The following CCDC7 variants were observed in gnomAD, a reference collection of about 807,000 sequenced individuals.
The protein encoded by CCDC7 is coiled-coil domain containing 7, also known as coiled-coil domain-containing protein 7.
In CCDC7, 183 loss-of-function variants were observed where a neutral mutation model predicts 196.9. The ratio of observed to expected loss-of-function variants is 0.93; its 90% CI spans 0.82 to 1.05. CCDC7 has a LOEUF of 1.05. Ranked by LOEUF, CCDC7 falls within the 50% of genes least tolerant of loss-of-function variation. The pLI, the probability that CCDC7 is intolerant of heterozygous loss-of-function variation, is 0.00. For synonymous variants in CCDC7, 525 were observed against 484.6 expected, an observed-to-expected ratio of 1.08 and a Z score of -1.10; for missense variants, 1,540 against 1,482.2, an observed-to-expected ratio of 1.04 and a Z score of -0.64.
chr10:32,799,942 C>A (rs1466836632), intron 29 of CCDC7, among the ~76,000 whole-genome samples: 1 of 152,236 alleles, frequency 6.6e-6, no homozygotes, highest in African/African-American at 2.4e-5. Context: ...CCACTGAAGG[C>A]AAATTGCTTC....
intron 4 of CCDC7, 89 bp from the exon 6 acceptor site, chr10:32,462,928 C>T (rs958803797): frequency 8.3e-6 from 13 of 1,559,044 alleles, no homozygotes; most frequent in Non-Finnish European, 1.1e-5. Flanking sequence ...TTCAGAGACA[C>T]AGACACACAT....
At chr10:32,535,935 T>C (rs906585584) in intron 11 of CCDC7, among the ~76,000 whole-genome samples, 2 of 152,142 alleles carry the variant, frequency 1.3e-5, no homozygotes, top group Non-Finnish European at 2.9e-5. Context: ...CAGAGTCAGG[T>C]TGGATAGTAA....
chr10:32,704,305 C>T (rs952786054), intron 24 of CCDC7, among the ~76,000 whole-genome samples: 3 of 152,120 alleles, frequency 2.0e-5, no homozygotes, highest in East Asian at 1.9e-4. Context: ...GTGTCAGCAG[C>T]GGAAGCTGCA....
intron 28 of CCDC7, among the ~76,000 whole-genome samples, chr10:32,757,450 A>G (rs2076654965): frequency 6.6e-6 from 1 of 152,196 alleles, no homozygotes; most frequent in Non-Finnish European, 1.5e-5. Context: ...TAAGAAACTC[A>G]CTCAAAACCG....
intron 8 of CCDC7, among the ~76,000 whole-genome samples, chr10:32,484,500 C>T (rs1368321744): frequency 1.3e-5 from 2 of 152,120 alleles, no homozygotes; most frequent in African/African-American, 4.8e-5. Flanking sequence ...CTTTCTCTTG[C>T]CTTATTGCCG....
chr10:32,659,176 A>G (rs974302830), intron 20 of CCDC7, among the ~76,000 whole-genome samples: 3 of 152,144 alleles, frequency 2.0e-5, no homozygotes, highest in African/African-American at 4.8e-5. Context: ...ATTCATTGCT[A>G]TAAACCTCCT....
intron 28 of CCDC7, among the ~76,000 whole-genome samples, chr10:32,745,474 A>T (rs118176330): frequency 0.039 from 5,898 of 152,286 alleles, 123 homozygotes; most frequent in Middle Eastern, 0.051. Flanking sequence ...GTGAGGGAGC[A>T]AAAGAAAGAT....
At chr10:32,493,451 G>A (rs2042443705) in intron 9 of CCDC7, among the ~76,000 whole-genome samples, 1 of 150,980 alleles carries the variant, frequency 6.6e-6, no homozygotes, top group Non-Finnish European at 1.5e-5. Context: ...TGGACACTTA[G>A]GTTGATTCCA....
intron 5 of CCDC7, among the ~76,000 whole-genome samples, chr10:32,466,886 C>G (rs867813690): frequency 6.6e-6 from 1 of 152,138 alleles, no homozygotes; most frequent in Non-Finnish European, 1.5e-5. Flanking sequence ...TATACTCCCA[C>G]CAACAATGTA....
rs534340301 is a variant in CCDC7 at position 32,792,187 on chromosome 10, G to A, written c.3014-12828G>A. Among the ~76,000 whole-genome samples, 14 of 152,220 alleles carry A rather than the reference G, an allele frequency of 9.2e-5. No homozygotes were observed. The South Asian group carries it at 2.9e-3, about 32-fold the overall frequency. ...TATTACCACTATATTTGTCTTACAA[G>A]AAATGCTCAAGGGATTTCTTCAAGT... On this transcript the variant is annotated intron_variant, in intron 29 of 41. Transcript: ENST00000639629.
intron 11 of CCDC7, among the ~76,000 whole-genome samples, chr10:32,529,864 G>A (rs1344395001): frequency 1.3e-5 from 2 of 152,110 alleles, no homozygotes; most frequent in African/African-American, 4.8e-5. Context: ...TGTCTAGAAG[G>A]GTTTTTCCAT....
At chr10:32,467,064 G>C (rs555996249) in intron 5 of CCDC7, among the ~76,000 whole-genome samples, 1 of 150,018 alleles carries the variant, frequency 6.7e-6, no homozygotes, top group Non-Finnish European at 1.5e-5. Context: ...TTGGCCCCGT[G>C]TATGTCTTCT....
At chr10:32,470,745 T>G (rs1331347146) in intron 5 of CCDC7, among the ~76,000 whole-genome samples, 1 of 152,176 alleles carries the variant, frequency 6.6e-6, no homozygotes, top group Non-Finnish European at 1.5e-5. Context: ...TGGGAAACAA[T>G]TTAGAATGAC....
chr10:32,510,466 A>T (rs1000200582), intron 9 of CCDC7, among the ~76,000 whole-genome samples: 1 of 152,226 alleles, frequency 6.6e-6, no homozygotes, highest in African/African-American at 2.4e-5. Context: ...AGCAGAAACC[A>T]TGACAAACAA....
At chr10:32,561,136 T>G (rs1432378178) in intron 13 of CCDC7, among the ~76,000 whole-genome samples, 2 of 152,086 alleles carry the variant, frequency 1.3e-5, no homozygotes, top group African/African-American at 4.8e-5. Flanking sequence ...TATATATGCA[T>G]CCAATACAGG....
At chr10:32,845,356 T>A (rs1034517699) in intron 34 of CCDC7, 30 bp downstream of exon 35, 3 of 1,456,414 alleles carry the variant, frequency 2.1e-6, no homozygotes, top group Non-Finnish European at 2.8e-6. Context: ...ACATCTAATA[T>A]TTATGGCTGA....
chr10:32,799,732 G>A (rs2084381567), intron 29 of CCDC7, among the ~76,000 whole-genome samples: 1 of 152,210 alleles, frequency 6.6e-6, no homozygotes, highest in South Asian at 2.1e-4. Context: ...GCATGCAAAT[G>A]TCTCACCAAT....
intron 18 of CCDC7, among the ~76,000 whole-genome samples, chr10:32,590,544 TTC>T (rs2059689660): frequency 6.6e-6 from 1 of 152,138 alleles, no homozygotes; most frequent in African/African-American, 2.4e-5. Flanking sequence ...TGTTATACTA[TTC>T]TCTGTTTTTC....
chr10:32,547,813 G>A (rs994514861), intron 13 of CCDC7, among the ~76,000 whole-genome samples: 1 of 151,884 alleles, frequency 6.6e-6, no homozygotes, highest in Non-Finnish European at 1.5e-5. Flanking sequence ...TTTTCCATAA[G>A]TTATTGGGGT....
Sources: gnomAD v4.1 joint callset for allele counts (sites outside exome capture counted in the v4.1 genomes callset) on GRCh38, gnomAD v4.1.1 for gene constraint, MANE v1.5 for transcripts, NCBI Gene and HGNC (gene_info 2026-07-23, HGNC 2026-07-21) for gene names.